The following CDK17 variants were observed in gnomAD, a reference collection of about 807,000 sequenced individuals.
The protein encoded by CDK17 is cyclin dependent kinase 17, also known as cyclin-dependent kinase 17.
In CDK17, 24 loss-of-function variants were observed where a neutral mutation model predicts 77.6. The observed-to-expected ratio is 0.31, with a 90% CI of 0.22 to 0.44. CDK17 has a LOEUF of 0.44. Among genes scored for constraint, CDK17 ranks in the 20% least tolerant of loss-of-function variants. The pLI is 1.00. For missense variants in CDK17, 429 were observed against 622.5 expected, an observed-to-expected ratio of 0.69 and a Z score of 3.31; for synonymous variants, 203 against 210.4, an observed-to-expected ratio of 0.96 and a Z score of 0.30.
intron 1 of CDK17, among the ~76,000 whole-genome samples, chr12:96,380,284 T>C (rs1455052536): frequency 4.5e-5 from 1 of 21,996 alleles, no homozygotes; most frequent in Admixed American, 4.9e-4. Flanking sequence ...TTTTAGCTGG[T>C]TTTTTTTTTT....
Position 96,400,041 on chromosome 12 carries a change from A to C in CDK17, c.-85T>G. The C allele has an allele frequency of 7.8e-6, 3 of 382,622 alleles. No individual in the cohort carries two copies. Among genetic ancestry groups the C allele is most frequent in the Non-Finnish European group, 1.4e-5 (3 of 216,104 alleles). The allele number at this position is 382,622 out of a possible 1,614,324, so 23.7% of individuals were successfully genotyped here. On this transcript the variant is annotated 5_prime_UTR_variant, in exon 1 of 17. Transcript: ENST00000261211. Reference sequence around the variant, plus strand: ...CGAGGCGAAGAGAGGCGCGGGGGGAAGCTGCTCCGCGGACGCCCGCGGCGA... The same window carrying C: ...CGAGGCGAAGAGAGGCGCGGGGGGACGCTGCTCCGCGGACGCCCGCGGCGA...
chr12:96,284,042 C>T (rs1348138933), intron 13 of CDK17, among the ~76,000 whole-genome samples: 1 of 152,090 alleles, frequency 6.6e-6, no homozygotes, highest in Non-Finnish European at 1.5e-5. Context: ...GACAAGTGAC[C>T]CCAAAATGTA....
intron 3 of CDK17, among the ~76,000 whole-genome samples, chr12:96,316,362 G>C (rs1442526541): frequency 1.1e-3 from 169 of 150,680 alleles, no homozygotes; most frequent in African/African-American, 3.9e-3. Context: ...ACCGCAAGGC[G>C]GCAGCGAGGC....
chr12:96,308,184 C>G (rs996474144), intron 5 of CDK17, among the ~76,000 whole-genome samples: 2 of 145,668 alleles, frequency 1.4e-5, no homozygotes, highest in African/African-American at 5.1e-5. Context: ...CGCTTGAGCC[C>G]AGGCATTTGA....
intron 1 of CDK17, among the ~76,000 whole-genome samples, chr12:96,377,782 C>T (rs955457937): frequency 5.3e-5 from 8 of 151,362 alleles, no homozygotes; most frequent in South Asian, 2.1e-4. Context: ...CAAGCTCCCC[C>T]TCCCGGGTTC....
At chr12:96,385,118 C>T (rs902115533) in intron 1 of CDK17, among the ~76,000 whole-genome samples, 1 of 151,730 alleles carries the variant, frequency 6.6e-6, no homozygotes, top group African/African-American at 2.4e-5. Flanking sequence ...TGAAGACCAG[C>T]CTGGCCAACA....
intron 1 of CDK17, among the ~76,000 whole-genome samples, chr12:96,368,806 C>CGGGGT (rs1953636476): frequency 8.9e-5 from 6 of 67,584 alleles, no homozygotes; most frequent in Admixed American, 1.6e-4. Flanking sequence ...TACTCTAAGA[C>CGGGGT]GGGGGGGGGG....
chr12:96,288,557 G>A (rs1211298277), intron 11 of CDK17, among the ~76,000 whole-genome samples: 1 of 152,098 alleles, frequency 6.6e-6, no homozygotes, highest in East Asian at 1.9e-4. Flanking sequence ...GAAACAGTCT[G>A]AAATAAGTTG....
intron 11 of CDK17, 35 bp from the exon 12 acceptor site, chr12:96,286,796 C>A (rs1483007674): frequency 6.7e-7 from 1 of 1,502,558 alleles, no homozygotes; most frequent in Middle Eastern, 1.7e-4. Flanking sequence ...TTTAGCAATT[C>A]ATTTACATAT....
intron 1 of CDK17, among the ~76,000 whole-genome samples, chr12:96,393,759 T>C (rs925672111): frequency 6.7e-6 from 1 of 149,350 alleles, no homozygotes; most frequent in Non-Finnish European, 1.5e-5. Flanking sequence ...CACACACACA[T>C]ACTCAATGAA....
At chr12:96,306,707 T>A (rs180920906) in intron 5 of CDK17, among the ~76,000 whole-genome samples, 1 of 152,144 alleles carries the variant, frequency 6.6e-6, no homozygotes, top group African/African-American at 2.4e-5. Flanking sequence ...TTTAGGTATA[T>A]AAAGAATATA....
chr12:96,368,712 T>G (rs889568261), intron 1 of CDK17, among the ~76,000 whole-genome samples: 1 of 150,032 alleles, frequency 6.7e-6, no homozygotes, highest in Non-Finnish European at 1.5e-5. Flanking sequence ...TTTTGACACT[T>G]TGATATGAAA....
intron 1 of CDK17, among the ~76,000 whole-genome samples, chr12:96,342,563 A>G (rs1004680678): frequency 6.6e-6 from 1 of 151,266 alleles, no homozygotes; most frequent in African/African-American, 2.4e-5. Context: ...TGCCATGTCA[A>G]ACAAACAAAC....
At chr12:96,287,744 T>C (rs1366896994) in intron 11 of CDK17, among the ~76,000 whole-genome samples, 1 of 152,096 alleles carries the variant, frequency 6.6e-6, no homozygotes, top group Non-Finnish European at 1.5e-5. Flanking sequence ...TTATTTACAA[T>C]AGTCAAAAGG....
At chr12:96,391,551 A>G (rs913441413) in intron 1 of CDK17, among the ~76,000 whole-genome samples, 1 of 152,136 alleles carries the variant, frequency 6.6e-6, no homozygotes, top group African/African-American at 2.4e-5. Context: ...TTGGCCTCCC[A>G]AAGTGCTGGG....
At chr12:96,375,616 C>G (rs1251733945) in intron 1 of CDK17, among the ~76,000 whole-genome samples, 1 of 150,818 alleles carries the variant, frequency 6.6e-6, no homozygotes, top group Non-Finnish European at 1.5e-5. Flanking sequence ...CTGGGCTCAG[C>G]TCACTGCAAC....
In CDK17 at chr12:96,380,694, T is replaced by C. The variant is rs540747532; in HGVS notation, c.-30+19292A>G. 7.2e-5 allele frequency among the ~76,000 whole-genome samples: 11 copies of C among 152,310 alleles called. No individual in the cohort carries two copies. The South Asian group carries it at 2.3e-3, about 32-fold the overall frequency. ...TAACTTGCAGAAGTTCATCTGTAAT[T>C]GTACACAACTTTCCCAATGGCTTCA... On this transcript the variant is annotated intron_variant, in intron 1 of 16. Coordinates refer to ENST00000261211, the MANE Select transcript of CDK17 (RefSeq NM_002595.5).
chr12:96,332,268 C>T (rs946665488), intron 2 of CDK17, among the ~76,000 whole-genome samples: 3 of 152,150 alleles, frequency 2.0e-5, no homozygotes, highest in Non-Finnish European at 2.9e-5. Context: ...GGCCTAATAA[C>T]GTATCTCTCA....
chr12:96,291,290 G>GT (rs1238288161), intron 10 of CDK17, among the ~76,000 whole-genome samples: 3 of 152,052 alleles, frequency 2.0e-5, no homozygotes, highest in East Asian at 1.9e-4. Flanking sequence ...AGTAGTTGTT[G>GT]TTTTTTTCTT....
Sources: gnomAD v4.1 joint callset for allele counts (sites outside exome capture counted in the v4.1 genomes callset) on GRCh38, gnomAD v4.1.1 for gene constraint, MANE v1.5 for transcripts, NCBI Gene and HGNC (gene_info 2026-07-23, HGNC 2026-07-21) for gene names.